Variants in LPAR3 observed in about 807,000 individuals in gnomAD.
The protein encoded by LPAR3 is lysophosphatidic acid receptor 3.
Under a neutral mutation model 17.8 loss-of-function variants are expected in LPAR3, and 7 were observed. The ratio of observed to expected loss-of-function variants is 0.39; its 90% CI spans 0.22 to 0.74. The LOEUF (loss-of-function observed/expected upper bound fraction) is 0.74, where lower values mean the gene tolerates loss of function less well. LPAR3 is among the 30% of genes least tolerant of loss of function. The pLI is 0.40. For synonymous variants in LPAR3, 179 were observed against 179.9 expected (o/e 0.99, Z 0.04); for missense variants, 391 against 453.4 (o/e 0.86, Z 1.25).
At chr1:84,816,302 G>A (rs1658931039) in intron 2 of LPAR3, among the ~76,000 whole-genome samples, 1 of 152,198 alleles carries the variant, frequency 6.6e-6, no homozygotes, top group South Asian at 2.1e-4. Context: ...AAATTTGTTT[G>A]AGTTTTATGG....
At chr1:84,821,741 T>C (rs1047788231) in intron 2 of LPAR3, among the ~76,000 whole-genome samples, 1 of 151,842 alleles carries the variant, frequency 6.6e-6, no homozygotes, top group Non-Finnish European at 1.5e-5. Context: ...AAAAAAGCAG[T>C]GGTTGTGGAG....
chr1:84,821,591 G>C (rs1347200506), intron 2 of LPAR3, among the ~76,000 whole-genome samples: 2 of 152,178 alleles, frequency 1.3e-5, no homozygotes, highest in Admixed American at 6.5e-5. Flanking sequence ...GAGAAAGTGA[G>C]GAAGGTGTGA....
intron 2 of LPAR3, among the ~76,000 whole-genome samples, chr1:84,850,334 A>G (rs1203791456): frequency 6.8e-6 from 1 of 146,578 alleles, no homozygotes; most frequent in Non-Finnish European, 1.5e-5. Flanking sequence ...ACGTGGGAGA[A>G]TCGCTTGAGA....
intron 1 of LPAR3, among the ~76,000 whole-genome samples, chr1:84,880,513 G>T (rs1323385113): frequency 1.3e-5 from 2 of 152,180 alleles, no homozygotes; most frequent in African/African-American, 4.8e-5. Flanking sequence ...ATGCCAGGCA[G>T]GTCTGTAGTA....
chr1:84,882,181 C>T (rs1660377987), intron 1 of LPAR3, among the ~76,000 whole-genome samples: 1 of 152,112 alleles, frequency 6.6e-6, no homozygotes, highest in South Asian at 2.1e-4. Context: ...GCATTTATTT[C>T]TATGCACTAA....
At chr1:84,874,850 T>C (rs1444345645) in intron 1 of LPAR3, among the ~76,000 whole-genome samples, 1 of 152,182 alleles carries the variant, frequency 6.6e-6, no homozygotes, top group Middle Eastern at 3.2e-3. Context: ...TAGACCATTG[T>C]ATAATCACAT....
At chr1:84,889,910 T>A (rs1255002320) in intron 1 of LPAR3, among the ~76,000 whole-genome samples, 1 of 152,184 alleles carries the variant, frequency 6.6e-6, no homozygotes, top group Non-Finnish European at 1.5e-5. Context: ...GGTAGAAAAG[T>A]AATTATTATC....
chr1:84,823,617 T>C (rs1426922215), intron 2 of LPAR3, among the ~76,000 whole-genome samples: 2 of 152,148 alleles, frequency 1.3e-5, no homozygotes, highest in Non-Finnish European at 2.9e-5. Context: ...CAATAAAAGA[T>C]AAAATTTAAA....
At chr1:84,848,545 G>A (rs538230931) in intron 2 of LPAR3, among the ~76,000 whole-genome samples, 109 of 152,316 alleles carry the variant, frequency 7.2e-4, no homozygotes, top group African/African-American at 2.5e-3. Context: ...TTAGACCAGA[G>A]ACACAATATT....
chr1:84,889,083 G>A (rs531692403), intron 1 of LPAR3, among the ~76,000 whole-genome samples: 178 of 152,134 alleles, frequency 1.2e-3, no homozygotes, highest in African/African-American at 4.1e-3. Flanking sequence ...TAGATACACA[G>A]GACAAGAGGC....
At chr1:84,876,120 C>T (rs1660251851) in intron 1 of LPAR3, among the ~76,000 whole-genome samples, 1 of 152,208 alleles carries the variant, frequency 6.6e-6, no homozygotes, top group South Asian at 2.1e-4. Context: ...AGGGGCTCCT[C>T]GAGAATGCTA....
At chr1:84,878,178 T>G (rs185710180) in intron 1 of LPAR3, among the ~76,000 whole-genome samples, 43 of 152,334 alleles carry the variant, frequency 2.8e-4, no homozygotes, top group African/African-American at 1.0e-3. Context: ...ACATAAATTT[T>G]TTTTAAAGTA....
chr1:84,842,195 C>T (rs992076114), intron 2 of LPAR3, among the ~76,000 whole-genome samples: 11 of 152,126 alleles, frequency 7.2e-5, no homozygotes, highest in Non-Finnish European at 1.2e-4. Flanking sequence ...CTTAAGCTGA[C>T]GTGAGTTGGT....
chr1:84,887,702 T>C (rs1179474330), intron 1 of LPAR3, among the ~76,000 whole-genome samples: 3 of 152,174 alleles, frequency 2.0e-5, no homozygotes, highest in Non-Finnish European at 4.4e-5. Context: ...TAAGAAGAGC[T>C]GAGTTTCATT....
intron 1 of LPAR3, among the ~76,000 whole-genome samples, chr1:84,868,821 C>T (rs1337271182): frequency 1.3e-5 from 2 of 152,020 alleles, no homozygotes. Flanking sequence ...CTCCTAGCTT[C>T]CAGAATAGTG....
intron 1 of LPAR3, among the ~76,000 whole-genome samples, chr1:84,891,492 C>G (rs995860535): frequency 6.6e-6 from 1 of 152,160 alleles, no homozygotes; most frequent in East Asian, 1.9e-4. Flanking sequence ...TTTAGACAAG[C>G]CTGGGGTTAA....
intron 1 of LPAR3, among the ~76,000 whole-genome samples, chr1:84,887,742 C>A (rs1660486741): frequency 1.3e-5 from 2 of 152,232 alleles, no homozygotes; most frequent in African/African-American, 4.8e-5. Context: ...GAATGCATGA[C>A]CTCAGTCAGG....
At chr1:84,870,164 T>C (rs138810271) in intron 1 of LPAR3, among the ~76,000 whole-genome samples, 145 of 152,352 alleles carry the variant, frequency 9.5e-4, no homozygotes, top group African/African-American at 3.3e-3. Flanking sequence ...AATCAGTTAC[T>C]TCAGTCCTAG....
intron 2 of LPAR3, among the ~76,000 whole-genome samples, chr1:84,834,703 T>C (rs146892096): frequency 6.6e-6 from 1 of 152,334 alleles, no homozygotes; most frequent in Non-Finnish European, 1.5e-5. Flanking sequence ...ATCAGCCCAT[T>C]CTTATACAAA....
Sources: allele counts gnomAD v4.1 joint callset (sites outside exome capture counted in the v4.1 genomes callset), GRCh38; gene constraint gnomAD v4.1.1; transcripts MANE v1.5; gene names NCBI Gene and HGNC (gene_info 2026-07-23, HGNC 2026-07-21).